The following TBC1D4 variants were observed in gnomAD, a reference collection of about 807,000 sequenced individuals.
TBC1D4 encodes the protein TBC1 domain family member 4.
TBC1D4 carries 121 observed loss-of-function variants against 142.5 expected under a neutral mutation model. That is an observed-to-expected ratio of 0.85 (90% CI 0.73 to 0.99). TBC1D4 has a LOEUF of 0.99. TBC1D4 is among the 50% of genes least tolerant of loss of function. TBC1D4 has a pLI of 0.00. For synonymous variants in TBC1D4, 630 were observed against 628.2 expected, an observed-to-expected ratio of 1.00 and a Z score of -0.04; for missense variants, 1,475 against 1,606.6, an observed-to-expected ratio of 0.92 and a Z score of 1.40.
intron 15 of TBC1D4, among the ~76,000 whole-genome samples, chr13:75,305,986 A>G (rs1048994302): frequency 2.0e-5 from 3 of 152,232 alleles, no homozygotes; most frequent in Admixed American, 1.3e-4. Context: ...ATATATGTAA[A>G]TGAATACTTC....
At position 75,334,305 on chromosome 13, in the gene TBC1D4, T is replaced by C. The variant is rs1450829062; in HGVS notation, c.1731+2616A>G. On this transcript the variant is annotated intron_variant, in intron 8 of 20. Coordinates refer to ENST00000377636, the MANE Select transcript of TBC1D4 (RefSeq NM_014832.5). ...TTTTTCTTTGAATATTTTCCTACTATCTAAAACACCAAGATGTTCTGGGAT... is the reference window on the plus strand; with the variant it reads ...TTTTTCTTTGAATATTTTCCTACTACCTAAAACACCAAGATGTTCTGGGAT... Among the ~76,000 whole-genome samples, 3 of 152,100 alleles carry C rather than the reference T, an allele frequency of 2.0e-5. No individual in the cohort carries two copies. The East Asian group carries it at 5.8e-4, about 29-fold the overall frequency.
rs1317306828 is a variant in TBC1D4 at position 75,310,143 on chromosome 13, C to A, written c.2392G>T (p.Asp798Tyr). Residue 798 changes from aspartate (D) to tyrosine (Y), a missense_variant, in exon 14 of 21, where the codon GAC becomes TAC. By Grantham distance (160) the Asp-to-Tyr change is radical. Coordinates refer to ENST00000377636, the MANE Select transcript of TBC1D4 (RefSeq NM_014832.5). ...GACAGTGGCAGCAGCTCGTTCCTGT[C>A]CAATCCATCTGCAGAGAAGAACACA... ...PSAMQQQDGL[D>Y]RNELLPLSPL... 1 of 1,613,466 alleles carries A rather than the reference C, an allele frequency of 6.2e-7. No individual in the cohort carries two copies. The highest frequency in any genetic ancestry group is 8.5e-7 in the Non-Finnish European group (1 of 1,179,774).
At chr13:75,480,635 G>A (rs1593933444) in intron 1 of TBC1D4, among the ~76,000 whole-genome samples, 1 of 152,014 alleles carries the variant, frequency 6.6e-6, no homozygotes, top group South Asian at 2.1e-4. Context: ...GCAAAAAAAG[G>A]GCTTCTTTCC....
intron 8 of TBC1D4, among the ~76,000 whole-genome samples, chr13:75,333,425 T>C (rs561910794): frequency 5.9e-5 from 9 of 152,334 alleles, no homozygotes; most frequent in African/African-American, 2.2e-4. Flanking sequence ...CTGGGTGGGC[T>C]TTGTGAGGCA....
At chr13:75,419,550 CTCT>C (rs1886074062) in intron 1 of TBC1D4, among the ~76,000 whole-genome samples, 1 of 152,094 alleles carries the variant, frequency 6.6e-6, no homozygotes. Flanking sequence ...GGGATAAATA[CTCT>C]TCTAACTCTT....
In TBC1D4 at chr13:75,299,583, G is replaced by T; in HGVS notation, c.2912-9C>A. 1 of 1,613,830 alleles carries T rather than the reference G, an allele frequency of 6.2e-7. No homozygotes were observed. The highest frequency in any genetic ancestry group is 8.5e-7 in the Non-Finnish European group (1 of 1,179,972). Reference sequence around the variant, plus strand: ...AGTAGGAAACGTCCTTCCTGCAGAGGAAAAGAAGGAAAATATTTTTTGAAA... The same window carrying T: ...AGTAGGAAACGTCCTTCCTGCAGAGTAAAAGAAGGAAAATATTTTTTGAAA... On this transcript the variant is annotated splice_polypyrimidine_tract_variant and intron_variant, in intron 16 of 20. Transcript: ENST00000377636.
rs1778097973 is a variant in TBC1D4, at chr13:75,400,858, A to C, written c.499-38251T>G. On this transcript the variant is annotated intron_variant, in intron 1 of 20. Coordinates refer to ENST00000377636, the MANE Select transcript of TBC1D4 (RefSeq NM_014832.5). Reference sequence around the variant, plus strand: ...CACACAAAGCTTTCCCCCATATAGCATCGATCAGTTCTCCAGCTTCATGTG... The same window carrying C: ...CACACAAAGCTTTCCCCCATATAGCCTCGATCAGTTCTCCAGCTTCATGTG... Among the ~76,000 whole-genome samples the C allele has an allele frequency of 2.6e-5, 4 of 152,284 alleles. No homozygotes were observed. In the South Asian group the frequency reaches 8.3e-4, roughly 32 times the overall value.
At chr13:75,439,106 G>C (rs7321970) in intron 1 of TBC1D4, among the ~76,000 whole-genome samples, 1 of 152,106 alleles carries the variant, frequency 6.6e-6, no homozygotes. Flanking sequence ...GTTTGCCATA[G>C]ACAAAATCTC....
At chr13:75,453,514 TTA>T (rs939782813) in intron 1 of TBC1D4, among the ~76,000 whole-genome samples, 12 of 152,106 alleles carry the variant, frequency 7.9e-5, no homozygotes, top group African/African-American at 2.7e-4. Context: ...ATAAGTGTAG[TTA>T]TATATATATG....
Position 75,370,117 on chromosome 13 carries a change from G to A in TBC1D4, c.499-7510C>T, listed in dbSNP as rs564023269. On this transcript the variant is annotated intron_variant, in intron 1 of 20. Coordinates refer to ENST00000377636, the MANE Select transcript of TBC1D4 (RefSeq NM_014832.5). ...ATGAGCAATATAAATATCAGAGGGA[G>A]GAATGTTCTGGGCAGACAGAACATC... 5.3e-4 allele frequency among the ~76,000 whole-genome samples: 81 copies of A among 152,226 alleles called. 2 individuals are homozygous for A. The South Asian group carries it at 0.016, about 31-fold the overall frequency.
chr13:75,450,398 T>C (rs1566499109), intron 1 of TBC1D4, among the ~76,000 whole-genome samples: 1 of 152,262 alleles, frequency 6.6e-6, no homozygotes, highest in African/African-American at 2.4e-5. Context: ...AAAAGCCCTT[T>C]AGTATTAAGT....
intron 1 of TBC1D4, among the ~76,000 whole-genome samples, chr13:75,406,300 T>G (rs7327133): frequency 0.038 from 5,744 of 152,334 alleles, 345 homozygotes; most frequent in African/African-American, 0.13. Context: ...ATTATTTACG[T>G]ACTTTACTTA....
chr13:75,284,149 G>T lies in TBC1D4; in HGVS notation c.*2643C>A, dbSNP rs1384968814. On this transcript the variant is annotated 3_prime_UTR_variant, in exon 21 of 21. Transcript: ENST00000377636. The stretch of plus-strand genomic sequence containing the variant: ...GGTTTCACCATGCAGATCTTGTAAA[G>T]CAGCGGTCTTCAACCTTCTTGACAC... Among the ~76,000 whole-genome samples, 3 of 152,126 alleles carry T rather than the reference G, an allele frequency of 2.0e-5. No individual in the cohort carries two copies. Among genetic ancestry groups the T allele is most frequent in the Non-Finnish European group, 4.4e-5 (3 of 68,028 alleles).
intron 4 of TBC1D4, among the ~76,000 whole-genome samples, chr13:75,355,175 A>G (rs1881940329): frequency 6.6e-6 from 1 of 152,322 alleles, no homozygotes; most frequent in Admixed American, 6.5e-5. Context: ...GATATTCACC[A>G]AGGGCACAAG....
At chr13:75,372,921 T>G (rs1005091771) in intron 1 of TBC1D4, among the ~76,000 whole-genome samples, 1 of 152,140 alleles carries the variant, frequency 6.6e-6, no homozygotes, top group Admixed American at 6.5e-5. Flanking sequence ...ACAATAAACA[T>G]AATAGGAAAC....
At chr13:75,404,349 C>T (rs1390540238) in intron 1 of TBC1D4, among the ~76,000 whole-genome samples, 1 of 152,198 alleles carries the variant, frequency 6.6e-6, no homozygotes, top group African/African-American at 2.4e-5. Context: ...TAACATCCCT[C>T]TTCAGTATGG....
chr13:75,407,836 G>A (rs564279127), intron 1 of TBC1D4, among the ~76,000 whole-genome samples: 2 of 150,712 alleles, frequency 1.3e-5, no homozygotes, highest in Non-Finnish European at 2.9e-5. Context: ...AACTCACACC[G>A]ACAAGAAACG....
intron 2 of TBC1D4, among the ~76,000 whole-genome samples, chr13:75,360,941 G>T (rs181441456): frequency 6.6e-6 from 1 of 152,002 alleles, no homozygotes; most frequent in Non-Finnish European, 1.5e-5. Flanking sequence ...AAAATACTCC[G>T]GAATCTCCTT....
At chr13:75,430,171 A>T (rs1470741034) in intron 1 of TBC1D4, among the ~76,000 whole-genome samples, 3 of 152,210 alleles carry the variant, frequency 2.0e-5, no homozygotes, top group Non-Finnish European at 4.4e-5. Context: ...CTGTAGCTAC[A>T]TCTCACTGAA....
Sources: allele counts gnomAD v4.1 joint callset (sites outside exome capture counted in the v4.1 genomes callset), GRCh38; gene constraint gnomAD v4.1.1; transcripts MANE v1.5; gene names NCBI Gene and HGNC (gene_info 2026-07-23, HGNC 2026-07-21).